The following KIF3A variants were observed in gnomAD, a reference collection of about 807,000 sequenced individuals.
KIF3A encodes the protein kinesin family member 3A.
In KIF3A, 27 loss-of-function variants were observed where a neutral mutation model predicts 92.6. The observed-to-expected ratio is 0.29, with a 90% CI of 0.21 to 0.40. The LOEUF (loss-of-function observed/expected upper bound fraction) is 0.40. KIF3A is among the 10% of genes least tolerant of loss of function. KIF3A has a pLI of 1.00. For missense variants in KIF3A, 581 were observed against 872.6 expected, an observed-to-expected ratio of 0.67 and a Z score of 4.21; for synonymous variants, 250 against 275.4, an observed-to-expected ratio of 0.91 and a Z score of 0.92.
chr5:132,691,766 G>A (rs1414330772), downstream of KIF3A, among the ~76,000 whole-genome samples: 1 of 148,540 alleles, frequency 6.7e-6, no homozygotes, highest in Non-Finnish European at 1.5e-5. Context: ...GCCAGGCATG[G>A]TGGTGCATGC....
chr5:132,708,099 C>T (rs954062459), intron 10 of KIF3A, among the ~76,000 whole-genome samples: 12 of 151,944 alleles, frequency 7.9e-5, no homozygotes, highest in Middle Eastern at 3.4e-3. Context: ...CTGGCTAACA[C>T]GGTGAAACCC....
Position 132,715,737 on chromosome 5 carries a change from A to C in KIF3A, c.1129+20T>G, listed in dbSNP as rs1357579805. On this transcript the variant is annotated intron_variant, in intron 8 of 18. Coordinates refer to ENST00000403231, the MANE Select transcript of KIF3A (RefSeq NM_001300791.2). Reference sequence around the variant, plus strand: ...GTATTTTTAGCCAACATAAAGATTAATATTTTGAGGAAAAGCTACCTTCTT... The same window carrying C: ...GTATTTTTAGCCAACATAAAGATTACTATTTTGAGGAAAAGCTACCTTCTT... The C allele has an allele frequency of 6.3e-7, 1 of 1,575,426 alleles. No homozygotes were observed. Among genetic ancestry groups the C allele is most frequent in the African/African-American group, 1.4e-5 (1 of 73,662 alleles).
intron 9 of KIF3A, among the ~76,000 whole-genome samples, chr5:132,709,900 A>C (rs982397610): frequency 1.3e-5 from 2 of 152,182 alleles, no homozygotes; most frequent in African/African-American, 4.8e-5. Context: ...TGTCTTTTGA[A>C]GTTACAAAAT....
At chr5:132,720,805 A>G in intron 4 of KIF3A, 91 bp from the exon 5 acceptor site, 1 of 691,766 alleles carries the variant, frequency 1.4e-6, no homozygotes. Context: ...TCTACTAGAC[A>G]GAGGGAATAT....
intron 4 of KIF3A, among the ~76,000 whole-genome samples, chr5:132,722,843 C>A (rs1403322143): frequency 6.6e-6 from 1 of 152,184 alleles, no homozygotes; most frequent in East Asian, 1.9e-4. Flanking sequence ...CCTGTTGACA[C>A]TGCATTTGTA....
chr5:132,707,180 TGTACAG>T (rs1417309454), intron 10 of KIF3A, among the ~76,000 whole-genome samples: 1 of 152,070 alleles, frequency 6.6e-6, no homozygotes, highest in Admixed American at 6.6e-5. Context: ...GAAGTATACC[TGTACAG>T]TAACAAACTT....
intron 8 of KIF3A, among the ~76,000 whole-genome samples, chr5:132,713,972 T>A (rs537960677): frequency 2.5e-4 from 36 of 142,334 alleles, no homozygotes; most frequent in Non-Finnish European, 4.0e-4. Flanking sequence ...TCTCGGCTCA[T>A]TGCCACCTCC....
intron 4 of KIF3A, among the ~76,000 whole-genome samples, chr5:132,720,922 G>A (rs1171549366): frequency 6.6e-6 from 1 of 152,158 alleles, no homozygotes; most frequent in Non-Finnish European, 1.5e-5. Flanking sequence ...GTGATGACAT[G>A]AAGAAAAATA....
In KIF3A at chr5:132,734,409, C is replaced by G. The variant is rs1338809870; in HGVS notation, c.76G>C (p.Glu26Gln). 1 of 1,614,134 alleles carries G rather than the reference C, an allele frequency of 6.2e-7. No individual in the cohort carries two copies. The highest frequency in any genetic ancestry group is 1.3e-5 in the African/African-American group (1 of 75,044). The change falls in exon 2 of 19, where the codon GAG becomes CAG. Residue 26 changes from glutamate (E) to glutamine (Q), a missense_variant. Physicochemically the swap from Glu to Gln is conservative, Grantham distance 29 (BLOSUM62 2). Coordinates refer to ENST00000403231, the MANE Select transcript of KIF3A (RefSeq NM_001300791.2). The stretch of plus-strand genomic sequence containing the variant: ...TTGTAGCACATTGATTTCTCTCTCT[C>G]ATTGAGGGGCCGGCACCTAACAACA... ...KVVVRCRPLN[E>Q]REKSMCYKQA...
At chr5:132,702,760 T>C (rs999253589) in intron 13 of KIF3A, 92 bp from the exon 14 acceptor site, 79 of 1,294,768 alleles carry the variant, frequency 6.1e-5, no homozygotes, top group Non-Finnish European at 8.1e-5. Context: ...TTAGCAAATC[T>C]GATCTTCAAA....
intron 2 of KIF3A, among the ~76,000 whole-genome samples, chr5:132,733,322 A>G (rs1420867926): frequency 6.6e-6 from 1 of 152,236 alleles, no homozygotes; most frequent in African/African-American, 2.4e-5. Flanking sequence ...TCATCTCTAT[A>G]TATTAGTAAC....
chr5:132,719,799 T>C (rs1753765983), intron 5 of KIF3A, among the ~76,000 whole-genome samples: 1 of 152,134 alleles, frequency 6.6e-6, no homozygotes, highest in Admixed American at 6.6e-5. Context: ...CTCTAATTTC[T>C]AATTGCTATT....
At chr5:132,705,062 T>A (rs1281382680) in intron 11 of KIF3A, among the ~76,000 whole-genome samples, 2 of 151,970 alleles carry the variant, frequency 1.3e-5, no homozygotes, top group Non-Finnish European at 2.9e-5. Context: ...GTGGTGTGAT[T>A]CATTGCATTC....
At chr5:132,713,528 T>C (rs1315290400) in intron 8 of KIF3A, among the ~76,000 whole-genome samples, 15 of 152,174 alleles carry the variant, frequency 9.9e-5, no homozygotes, top group African/African-American at 3.4e-4. Flanking sequence ...CTCCATTAAC[T>C]AGATTATAAA....
In KIF3A at chr5:132,695,827, T is replaced by C. The variant is rs2149889428; in HGVS notation, c.*807A>G. On this transcript the variant is annotated 3_prime_UTR_variant, in exon 19 of 19. Transcript: ENST00000403231. ...AGCATCCATAACACTTCAGAGTGAA[T>C]TTTTAAAAATATACACGCAGGCAAA... 1 of 152,428 alleles carries C rather than the reference T, an allele frequency of 6.6e-6. No homozygotes were observed. Among genetic ancestry groups the C allele is most frequent in the African/African-American group, 2.4e-5 (1 of 41,560 alleles). The allele number at this position is 152,428 out of a possible 1,614,324, so 9.4% of individuals were successfully genotyped here. A position where few individuals can be genotyped will look rare whatever the true frequency, so the allele number is the denominator to read the frequency against.
chr5:132,734,405 C>A lies in KIF3A; in HGVS notation c.80G>T (p.Arg27Ile). 6.2e-7 allele frequency: 1 copy of A among 1,614,158 alleles called. No homozygotes were observed. The highest frequency in any genetic ancestry group is 8.5e-7 in the Non-Finnish European group (1 of 1,180,018). Residue 27 changes from arginine to isoleucine, a missense_variant, in exon 2 of 19, where the codon AGA becomes ATA. This residue lies in a region of KIF3A where 217 missense variants were observed against 299.7 expected (regional missense o/e 0.72). Transcript: ENST00000403231. ...CTGTTTGTAGCACATTGATTTCTCTCTCTCATTGAGGGGCCGGCACCTAAC... is the reference window on the plus strand; with the variant it reads ...CTGTTTGTAGCACATTGATTTCTCTATCTCATTGAGGGGCCGGCACCTAAC... ...VVVRCRPLNE[R>I]EKSMCYKQAV...
intron 2 of KIF3A, among the ~76,000 whole-genome samples, chr5:132,730,632 A>AC (rs1446373545): frequency 1.3e-5 from 2 of 151,988 alleles, no homozygotes; most frequent in Non-Finnish European, 1.5e-5. Context: ...TACCAAAAAA[A>AC]AATTAAAATT....
At chr5:132,706,654 CACA>C (rs1429420408) in intron 10 of KIF3A, among the ~76,000 whole-genome samples, 195 bp from the exon 11 acceptor site, 1 of 152,130 alleles carries the variant, frequency 6.6e-6, no homozygotes, top group Non-Finnish European at 1.5e-5. Flanking sequence ...GCATATTCAA[CACA>C]ACGAGAGATG....
chr5:132,711,100 G>A (rs776892991), intron 8 of KIF3A, 43 bp from the exon 9 acceptor site: 42 of 1,565,796 alleles, frequency 2.7e-5, no homozygotes, highest in Non-Finnish European at 3.2e-5. Context: ...CCTGTACGAA[G>A]TCATTAGCTA....
Sources: gnomAD v4.1 joint callset for allele counts (sites outside exome capture counted in the v4.1 genomes callset) on GRCh38, gnomAD v4.1.1 for gene constraint, gnomAD v4.1.1 regional missense constraint, MANE v1.5 for transcripts, NCBI Gene and HGNC (gene_info 2026-07-23, HGNC 2026-07-21) for gene names.